MGST1: variants seen among roughly 807,000 people sequenced by gnomAD.
The protein encoded by MGST1 is microsomal glutathione S-transferase 1.
Under a neutral mutation model 8.9 loss-of-function variants are expected in MGST1, and 5 were observed. The observed-to-expected ratio is 0.56, with a 90% CI of 0.29 to 1.19. The LOEUF (loss-of-function observed/expected upper bound fraction) is 1.19. MGST1 is among the 50% of genes most tolerant of loss of function. The pLI, the probability that MGST1 is intolerant of heterozygous loss-of-function variation, is 0.08. For synonymous variants in MGST1, 54 were observed against 67.8 expected, an observed-to-expected ratio of 0.80 and a Z score of 1.00; for missense variants, 182 against 187.4, an observed-to-expected ratio of 0.97 and a Z score of 0.17.
upstream of MGST1, chr12:16,347,315 G>T (rs1294030730): frequency 6.6e-6 from 1 of 152,166 alleles, no homozygotes; most frequent in Admixed American, 6.5e-5. This position sits in a 1 kb window ranked among gnomAD's most constrained non-coding sequence, Gnocchi z 4.0. Flanking sequence ...TTCTACCCTG[G>T]AGATTTTAAC....
Position 16,357,616 on chromosome 12 carries a change from T to C in MGST1, c.138T>C (p.Asn46=). The C allele has an allele frequency of 1.2e-6, 2 of 1,613,030 alleles. No homozygotes were observed. The highest frequency in any genetic ancestry group is 1.3e-5 in the African/African-American group (1 of 74,848). The change falls in exon 3 of 4, where the codon AAT becomes AAC. Residue 46 remains asparagine (N), a synonymous_variant. Coordinates refer to ENST00000396210, the MANE Select transcript of MGST1 (RefSeq NM_020300.5). ...FYRLTRKVFA[N]PEDCVAFGKG... ...TGGTATTTGGATAGGTTTTTGCCAA[T>C]CCAGAAGACTGTGTAGCATTTGGCA...
chr12:16,591,492 A>G (rs2137625828), downstream of MGST1, among the ~76,000 whole-genome samples: 1 of 151,696 alleles, frequency 6.6e-6, no homozygotes, highest in Non-Finnish European at 1.5e-5. The surrounding 1 kb of genome is among the most constrained non-coding windows in gnomAD (Gnocchi z 4.1). Flanking sequence ...ATTTCCCCTA[A>G]GTAGAATATA....
chr12:16,566,713 T>C (rs1942624561), intron 4 of MGST1, among the ~76,000 whole-genome samples: 2 of 152,126 alleles, frequency 1.3e-5, no homozygotes, highest in Admixed American at 1.3e-4. Flanking sequence ...TATTAACACA[T>C]ACAGATCATG....
intron 1 of MGST1, among the ~76,000 whole-genome samples, chr12:16,419,008 G>T (rs1940809927): frequency 6.6e-6 from 1 of 152,060 alleles, no homozygotes; most frequent in South Asian, 2.1e-4. Context: ...CCAGGCTCAT[G>T]TGGCCTATTC....
chr12:16,534,368 T>TA (rs1432077478), intron 4 of MGST1, among the ~76,000 whole-genome samples: 2 of 152,210 alleles, frequency 1.3e-5, no homozygotes, highest in African/African-American at 4.8e-5. Flanking sequence ...AATGGGCATT[T>TA]TCCTCCTCAA....
At position 16,400,687 on chromosome 12, in the gene MGST1, C is replaced by T. The variant is rs1391128834; in HGVS notation, n.778+17083C>T. The T allele has an allele frequency of 2.7e-6, 4 of 1,492,546 alleles. No individual in the cohort carries two copies. The African/African-American group carries it at 4.1e-5, about 15-fold the overall frequency. The allele number at this position is 1,492,546 out of a possible 1,614,324, so 92.5% of individuals were successfully genotyped here. On this transcript the variant is annotated intron_variant and non_coding_transcript_variant, in intron 1 of 1. Coordinates refer to the MGST1 transcript ENST00000359720. Reference sequence around the variant, plus strand: ...GAAAGATGTTGCCTTCATTCCTGCCCAGAGCACTGCCTGGGCAATAAAAGT... The same window carrying T: ...GAAAGATGTTGCCTTCATTCCTGCCTAGAGCACTGCCTGGGCAATAAAAGT...
At chr12:16,358,450 T>G (rs933749762) in intron 3 of MGST1, among the ~76,000 whole-genome samples, 5 of 152,062 alleles carry the variant, frequency 3.3e-5, no homozygotes, top group African/African-American at 1.2e-4. Context: ...TCCATGTTGC[T>G]GCAAAGGACA....
chr12:16,360,426 A>G (rs889727457), intron 3 of MGST1: 9 of 932,916 alleles, frequency 9.6e-6, no homozygotes, highest in African/African-American at 1.8e-5. Flanking sequence ...ATATGGAACA[A>G]TTAACTAAAA....
At chr12:16,504,077 C>G (rs947048214) in intron 4 of MGST1, among the ~76,000 whole-genome samples, 1 of 152,260 alleles carries the variant, frequency 6.6e-6, no homozygotes, top group African/African-American at 2.4e-5. Flanking sequence ...GGCTTGCCTC[C>G]CCTGTGTCAC....
chr12:16,355,204 C>CTTTTT (rs5796668), intron 2 of MGST1, among the ~76,000 whole-genome samples: 3 of 125,200 alleles, frequency 2.4e-5, no homozygotes, highest in Admixed American at 8.0e-5. Context: ...TTCCTTGTTA[C>CTTTTT]TTTTTTTTTT....
intron 1 of MGST1, among the ~76,000 whole-genome samples, chr12:16,420,952 G>T (rs764007387): frequency 6.6e-5 from 10 of 152,172 alleles, no homozygotes; most frequent in Admixed American, 1.3e-4. Context: ...AGTTGCCTGA[G>T]AATGGTTAGT....
exon 2 of MGST1, chr12:16,438,490 A>ATCCCC (rs1565454891): frequency 6.6e-6 from 1 of 151,892 alleles, no homozygotes; most frequent in Non-Finnish European, 1.5e-5. Context: ...AGGGGTTAAC[A>ATCCCC]TATGAATAGA....
In MGST1 at chr12:16,547,385, T is replaced by A. The variant is rs1941837657; in HGVS notation, n.483-42143T>A. ...TATCATGTGCTATTGAGTTAATGAG[T>A]AATTTGTGTGCGATAATTCTCTGAA... On this transcript the variant is annotated intron_variant and non_coding_transcript_variant, in intron 4 of 4. Coordinates refer to the MGST1 transcript ENST00000538857. The surrounding 1 kb of genome is among the most constrained non-coding windows in gnomAD (Gnocchi z 4.6). 1.3e-5 allele frequency among the ~76,000 whole-genome samples: 2 copies of A among 152,186 alleles called. No individual in the cohort carries two copies. The highest frequency in any genetic ancestry group is 4.1e-4 in the South Asian group (2 of 4,832).
intron 4 of MGST1, among the ~76,000 whole-genome samples, chr12:16,512,178 A>G (rs920787280): frequency 3.9e-5 from 6 of 152,104 alleles, no homozygotes; most frequent in African/African-American, 1.2e-4. Context: ...CCCTGCTGCC[A>G]TAAGGTATGC....
intron 4 of MGST1, among the ~76,000 whole-genome samples, chr12:16,481,122 A>G (rs1941361751): frequency 6.6e-6 from 1 of 152,124 alleles, no homozygotes; most frequent in African/African-American, 2.4e-5. Flanking sequence ...AGAAAGAAAG[A>G]CCTCACCAAA....
Position 16,389,597 on chromosome 12 carries a change from G to T in MGST1, n.778+5993G>T, listed in dbSNP as rs1025987135. Among the ~76,000 whole-genome samples, 5 of 150,956 alleles carry T rather than the reference G, an allele frequency of 3.3e-5. No homozygotes were observed. The highest frequency in any genetic ancestry group is 2.6e-4 in the Admixed American group (4 of 15,260). ...GGTTTCCCTGGATTTCCTTGGTCTG[G>T]TAGGTGCAGCAATATGACATGAGTA... On this transcript the variant is annotated intron_variant and non_coding_transcript_variant, in intron 1 of 1. Coordinates refer to the MGST1 transcript ENST00000359720. The surrounding 1 kb of genome is among the most constrained non-coding windows in gnomAD (Gnocchi z 4.6).
At chr12:16,552,350 T>G (rs1942021037) in intron 4 of MGST1, among the ~76,000 whole-genome samples, 1 of 152,040 alleles carries the variant, frequency 6.6e-6, no homozygotes, top group Admixed American at 6.5e-5. Context: ...TAGTCTCTCT[T>G]TATCAGATAG....
At chr12:16,462,482 T>C (rs1941227940) in intron 4 of MGST1, among the ~76,000 whole-genome samples, 1 of 152,132 alleles carries the variant, frequency 6.6e-6, no homozygotes, top group Non-Finnish European at 1.5e-5. Context: ...TCTAAGTCTT[T>C]ATGAAACCCA....
downstream of MGST1, among the ~76,000 whole-genome samples, chr12:16,366,998 T>A (rs755119740): frequency 9.2e-5 from 14 of 152,214 alleles, no homozygotes; most frequent in Non-Finnish European, 1.6e-4. The surrounding 1 kb of genome is among the most constrained non-coding windows in gnomAD (Gnocchi z 4.0). Flanking sequence ...TGAATCTGTA[T>A]TATACTGGAC....
Sources: allele counts gnomAD v4.1 joint callset (sites outside exome capture counted in the v4.1 genomes callset), GRCh38; gene constraint gnomAD v4.1.1; non-coding constraint Gnocchi (gnomAD v3.1); transcripts MANE v1.5; gene names NCBI Gene and HGNC (gene_info 2026-07-23, HGNC 2026-07-21).